VAV2: variants seen among roughly 807,000 people sequenced by gnomAD.
VAV2 encodes the protein vav guanine nucleotide exchange factor 2.
VAV2 carries 67 observed loss-of-function variants against 132.5 expected under a neutral mutation model. That is an observed-to-expected ratio of 0.51 (90% CI 0.42 to 0.62). The LOEUF is 0.62. Ranked by LOEUF, VAV2 falls within the 20% of genes least tolerant of loss-of-function variation. VAV2 has a pLI of 0.00. For missense variants in VAV2, 938 were observed against 1,153.6 expected, an observed-to-expected ratio of 0.81 and a Z score of 2.71; for synonymous variants, 492 against 443.5, an observed-to-expected ratio of 1.11 and a Z score of -1.37.
intron 10 of VAV2, 29 bp downstream of exon 10, chr9:133,797,675 AGCCAGG>A (rs758807316): frequency 6.3e-7 from 1 of 1,592,084 alleles, no homozygotes; most frequent in Non-Finnish European, 8.6e-7. Context: ...GCAACCTTGG[AGCCAGG>A]GCCAGGGCCA....
intron 4 of VAV2, among the ~76,000 whole-genome samples, chr9:133,819,101 C>T (rs954422389): frequency 2.0e-5 from 3 of 151,918 alleles, no homozygotes; most frequent in Admixed American, 1.3e-4. Context: ...TTCCTTCACA[C>T]GGGCTCATTC....
At chr9:133,982,711 C>G (rs538126370) in intron 1 of VAV2, among the ~76,000 whole-genome samples, 1 of 152,124 alleles carries the variant, frequency 6.6e-6, no homozygotes, top group Non-Finnish European at 1.5e-5. Context: ...TCATAGGGCC[C>G]GCCGCCTGGT....
chr9:133,775,119 C>T, intron 24 of VAV2, 68 bp from the exon 25 acceptor site: 3 of 1,345,402 alleles, frequency 2.2e-6, no homozygotes, highest in East Asian at 2.5e-5. Flanking sequence ...GCCCAGCCCT[C>T]CGTGCGTGGC....
At position 133,796,423 on chromosome 9, in the gene VAV2, C is replaced by A; in HGVS notation, c.1032+6G>T. ...CCCCGCAGGCACCCGGGGCCCAGAG[C>A]CTCACCTTCAAGAGCAGGTGGTATT... On this transcript the variant is annotated splice_donor_region_variant and intron_variant, in intron 11 of 29. Coordinates refer to ENST00000371850, the MANE Select transcript of VAV2 (RefSeq NM_001134398.2). 7 of 1,612,328 alleles carry A rather than the reference C, an allele frequency of 4.3e-6. No individual in the cohort carries two copies. The highest frequency in any genetic ancestry group is 5.9e-6 in the Non-Finnish European group (7 of 1,179,370).
At position 133,884,554 on chromosome 9, in the gene VAV2, C is replaced by G. The variant is rs1838625994; in HGVS notation, c.322-23122G>C. On this transcript the variant is annotated intron_variant, in intron 2 of 29. Transcript: ENST00000371850. This position sits in a 1 kb window ranked among gnomAD's most constrained non-coding sequence, Gnocchi z 5.3. ...CCAGCCTCTCCACCCAGGCCAGCCT[C>G]TCCACCCAGGCTGGTTCCCAGGCTG... Among the ~76,000 whole-genome samples, 2 of 152,188 alleles carry G rather than the reference C, an allele frequency of 1.3e-5. No individual in the cohort carries two copies. The highest frequency in any genetic ancestry group is 4.1e-4 in the South Asian group (2 of 4,830).
chr9:133,980,550 C>T (rs954483099), intron 1 of VAV2, among the ~76,000 whole-genome samples: 1 of 152,218 alleles, frequency 6.6e-6, no homozygotes, highest in Non-Finnish European at 1.5e-5. Context: ...AGCTGCCCGA[C>T]CAGCCATGGG....
At chr9:133,847,444 A>AT (rs1836979160) in intron 3 of VAV2, among the ~76,000 whole-genome samples, 1 of 152,182 alleles carries the variant, frequency 6.6e-6, no homozygotes, top group Non-Finnish European at 1.5e-5. Context: ...CAGCAACCCT[A>AT]AAGGGGCAGT....
intron 25 of VAV2, among the ~76,000 whole-genome samples, chr9:133,772,740 C>T (rs563163936): frequency 6.6e-6 from 1 of 152,240 alleles, no homozygotes; most frequent in African/African-American, 2.4e-5. Flanking sequence ...CCCATACAGT[C>T]AGGCGGCGTT....
chr9:133,806,219 C>G (rs761615214), intron 8 of VAV2, 38 bp from the exon 9 acceptor site: 1 of 1,591,798 alleles, frequency 6.3e-7, no homozygotes, highest in African/African-American at 1.3e-5. Flanking sequence ...TGGCCAGGCC[C>G]ACCCAAGGCT....
intron 1 of VAV2, among the ~76,000 whole-genome samples, chr9:133,970,886 G>A (rs1024163664): frequency 6.6e-6 from 1 of 152,252 alleles, no homozygotes; most frequent in East Asian, 1.9e-4. Context: ...GTTAACAGAT[G>A]TTTCGTTTAA....
intron 1 of VAV2, among the ~76,000 whole-genome samples, chr9:133,976,945 A>G (rs1315431282): frequency 6.6e-6 from 1 of 152,222 alleles, no homozygotes; most frequent in Admixed American, 6.5e-5. Flanking sequence ...CCAGGACTCC[A>G]GCCTAGGTCC....
At chr9:133,931,017 G>C (rs1027823080) in intron 2 of VAV2, among the ~76,000 whole-genome samples, 1 of 152,202 alleles carries the variant, frequency 6.6e-6, no homozygotes, top group Non-Finnish European at 1.5e-5. Context: ...GCGGCCTAGC[G>C]ATTTCCTCTG....
chr9:133,774,708 T>C (rs187599643), intron 25 of VAV2, among the ~76,000 whole-genome samples: 179 of 152,200 alleles, frequency 1.2e-3, no homozygotes, highest in African/African-American at 4.2e-3. Context: ...CCAGGAGTGA[T>C]GTAAGCATGG....
chr9:133,978,840 C>T (rs1842598861), intron 1 of VAV2, among the ~76,000 whole-genome samples: 1 of 152,258 alleles, frequency 6.6e-6, no homozygotes, highest in African/African-American at 2.4e-5. Flanking sequence ...GATTCAGAAG[C>T]CAAACAGCGT....
chr9:133,778,837 C>T lies in VAV2; in HGVS notation c.1815G>A (p.Gly605=). Residue 605 remains glycine (G), a synonymous_variant, in exon 22 of 30, where the codon GGG becomes GGA. Transcript: ENST00000371850. ...CCGTCTGGAAGGTCAGCACAGGCTT[C>T]CCGGGAGGGGCTGGGTTGCCATGGT... ...QNYHGNPAPP[G]KPVLTFQTGD... The T allele has an allele frequency of 6.2e-7, 1 of 1,612,926 alleles. No homozygotes were observed. Among genetic ancestry groups the T allele is most frequent in the Non-Finnish European group, 8.5e-7 (1 of 1,179,842 alleles).
chr9:133,981,016 G>A (rs1842675630), intron 1 of VAV2, among the ~76,000 whole-genome samples: 2 of 152,272 alleles, frequency 1.3e-5, no homozygotes, highest in South Asian at 4.1e-4. Context: ...CATTTGCTGA[G>A]GACTAGCACA....
chr9:133,771,196 G>A (rs1036973082), intron 26 of VAV2, among the ~76,000 whole-genome samples: 4 of 151,822 alleles, frequency 2.6e-5, no homozygotes, highest in South Asian at 4.2e-4. Context: ...CCCAAGTAGG[G>A]GGGACTACAG....
chr9:133,866,952 G>A (rs1028426545), intron 2 of VAV2, among the ~76,000 whole-genome samples: 20 of 152,082 alleles, frequency 1.3e-4, no homozygotes, highest in African/African-American at 4.6e-4. Flanking sequence ...GTTCAGGTTC[G>A]AATGTCAGCC....
intron 2 of VAV2, among the ~76,000 whole-genome samples, chr9:133,910,364 G>A (rs184481233): frequency 6.6e-5 from 10 of 152,252 alleles, no homozygotes; most frequent in African/African-American, 9.6e-5. Context: ...TCTAACTGGC[G>A]CAAGCTGCGA....
Sources: gnomAD v4.1 joint callset for allele counts (sites outside exome capture counted in the v4.1 genomes callset) on GRCh38, gnomAD v4.1.1 for gene constraint, Gnocchi (gnomAD v3.1) non-coding constraint, MANE v1.5 for transcripts, NCBI Gene and HGNC (gene_info 2026-07-23, HGNC 2026-07-21) for gene names.